CTNNA2: variants seen among roughly 807,000 people sequenced by gnomAD.
CTNNA2 encodes the protein catenin alpha-2.
A neutral mutation model predicts 101.0 loss-of-function variants in CTNNA2; 42 were observed. The observed-to-expected ratio is 0.42, with a 90% CI of 0.32 to 0.54. The LOEUF (loss-of-function observed/expected upper bound fraction) is 0.54. Among genes scored for constraint, CTNNA2 ranks in the 20% least tolerant of loss-of-function variants. The probability of loss-of-function intolerance (pLI) is 0.14; values close to 1 mark genes in which losing one functional copy is unlikely to be tolerated. For synonymous variants in CTNNA2, 450 were observed against 456.4 expected, an observed-to-expected ratio of 0.99 and a Z score of 0.18; for missense variants, 871 against 1,223.1, an observed-to-expected ratio of 0.71 and a Z score of 4.29.
At chr2:79,714,805 A>G (rs2104827328) in intron 2 of CTNNA2, among the ~76,000 whole-genome samples, 1 of 152,228 alleles carries the variant, frequency 6.6e-6, no homozygotes, top group Admixed American at 6.5e-5. Flanking sequence ...CATTAATTAC[A>G]GCTCTGTTTT....
intron 7 of CTNNA2, among the ~76,000 whole-genome samples, chr2:80,222,209 T>C (rs1708613061): frequency 6.6e-6 from 1 of 152,300 alleles, no homozygotes; most frequent in African/African-American, 2.4e-5. Context: ...CTCATCATCC[T>C]GGTCTATATT....
At chr2:79,512,092 G>A (rs142520939), upstream of CTNNA2, among the ~76,000 whole-genome samples, 414 of 152,198 alleles carry the variant, frequency 2.7e-3, 2 homozygotes, top group Non-Finnish European at 4.5e-3. Context: ...CTTTTTCACT[G>A]TTAGCACCTC....
At position 80,545,088 on chromosome 2, in the gene CTNNA2, A is replaced by T. The variant is rs749559129; in HGVS notation, c.1383+14A>T. 2 of 1,612,608 alleles carry T rather than the reference A, an allele frequency of 1.2e-6. No individual in the cohort carries two copies. Among genetic ancestry groups the T allele is most frequent in the Non-Finnish European group, 1.7e-6 (2 of 1,179,316 alleles). On this transcript the variant is annotated intron_variant, in intron 10 of 18. Coordinates refer to ENST00000402739, the MANE Select transcript of CTNNA2 (RefSeq NM_001282597.3). ...CTGTGTCCCCAGGTAAGCCTCATTC[A>T]CTTTGTTTCAAAAGCCTGTCAGTGA...
chr2:80,170,340 A>C (rs1212357752), intron 7 of CTNNA2, among the ~76,000 whole-genome samples: 1 of 152,038 alleles, frequency 6.6e-6, no homozygotes. Context: ...TTATGAGGAG[A>C]AGGCTGTTCA....
intron 6 of CTNNA2, among the ~76,000 whole-genome samples, chr2:79,907,799 G>C (rs879590613): frequency 6.6e-5 from 10 of 152,194 alleles, no homozygotes; most frequent in Admixed American, 6.5e-4. Context: ...TTGAAAAGAG[G>C]CTTTGACCAA....
At chr2:80,339,179 G>C (rs1672011144) in intron 7 of CTNNA2, among the ~76,000 whole-genome samples, 2 of 152,098 alleles carry the variant, frequency 1.3e-5, no homozygotes, top group Admixed American at 6.5e-5. Context: ...TATAACGTGT[G>C]TGTGTGTGCA....
chr2:80,456,640 C>T (rs1285988925), intron 9 of CTNNA2, among the ~76,000 whole-genome samples: 1 of 152,186 alleles, frequency 6.6e-6, no homozygotes, highest in African/African-American at 2.4e-5. Flanking sequence ...GCAAGTTAGG[C>T]CCACATTGAA....
chr2:79,266,092 C>T (rs901159539), intron 2 of CTNNA2, among the ~76,000 whole-genome samples: 2 of 152,146 alleles, frequency 1.3e-5, no homozygotes, highest in Admixed American at 6.6e-5. Flanking sequence ...CCAACTGTAC[C>T]TTCAGCAAAT....
chr2:79,282,344 T>C (rs1464399985), intron 2 of CTNNA2, among the ~76,000 whole-genome samples: 1 of 152,062 alleles, frequency 6.6e-6, no homozygotes, highest in African/African-American at 2.4e-5. Flanking sequence ...GCCATGCTGG[T>C]GCGCTGCACC....
At chr2:80,035,118 C>G in intron 7 of CTNNA2, among the ~76,000 whole-genome samples, 1 of 152,280 alleles carries the variant, frequency 6.6e-6, no homozygotes, top group Admixed American at 6.5e-5. Context: ...TGGCCCCTCC[C>G]TATGTGTTAT....
intron 3 of CTNNA2, among the ~76,000 whole-genome samples, chr2:79,835,426 A>G (rs1040214950): frequency 1.1e-4 from 17 of 152,262 alleles, no homozygotes; most frequent in African/African-American, 3.9e-4. Flanking sequence ...CTTCTTTTAG[A>G]AGTGACTACT....
intron 3 of CTNNA2, among the ~76,000 whole-genome samples, chr2:79,345,401 A>G (rs1375679651): frequency 6.6e-6 from 1 of 152,118 alleles, no homozygotes; most frequent in African/African-American, 2.4e-5. Flanking sequence ...GCTAACTTCC[A>G]TTTCATAATG....
intron 7 of CTNNA2, among the ~76,000 whole-genome samples, chr2:79,979,397 C>T (rs1186405044): frequency 6.6e-6 from 1 of 151,920 alleles, no homozygotes; most frequent in Non-Finnish European, 1.5e-5. Flanking sequence ...AAAGGAAAAC[C>T]CTGATAACAT....
At chr2:80,373,363 A>T (rs1675629684) in intron 7 of CTNNA2, among the ~76,000 whole-genome samples, 1 of 152,200 alleles carries the variant, frequency 6.6e-6, no homozygotes, top group South Asian at 2.1e-4. Flanking sequence ...GAGTACTAGG[A>T]ATAGTAAACC....
At position 80,648,015 on chromosome 2, in the gene CTNNA2, A is replaced by G. The variant is rs922528557; in HGVS notation, c.*143A>G. The G allele has an allele frequency of 1.4e-6, 1 of 725,068 alleles. No homozygotes were observed. The highest frequency in any genetic ancestry group is 1.8e-5 in the African/African-American group (1 of 55,872). 44.9% of individuals were successfully genotyped at this position (725,068 alleles called of 1,614,324 possible). On this transcript the variant is annotated 3_prime_UTR_variant, in exon 19 of 19. Transcript: ENST00000402739. ...GGAACAGTGTCTGTTTGCATGTAAG[A>G]TGAGATGAGATCAATACTACTGATC... is the stretch of plus-strand genomic sequence containing the variant.
intron 3 of CTNNA2, among the ~76,000 whole-genome samples, chr2:79,335,877 C>T (rs1196645406): frequency 6.6e-6 from 1 of 152,196 alleles, no homozygotes. Context: ...CCTGGGAAAG[C>T]TACATGGAGA....
rs1024642183 is a variant in CTNNA2, at chr2:79,674,357, A to G, written c.102+22699A>G. ...ACAGACTGTGTTACAGACCCCTGTC[A>G]TCTTCCATCTTTGCTGATTGGAGCC... On this transcript the variant is annotated intron_variant, in intron 2 of 18. Transcript: ENST00000402739. Among the ~76,000 whole-genome samples, 5 of 152,332 alleles carry G rather than the reference A, an allele frequency of 3.3e-5. No individual in the cohort carries two copies. In the East Asian group the frequency reaches 9.6e-4, roughly 29 times the overall value.
intron 7 of CTNNA2, among the ~76,000 whole-genome samples, chr2:80,353,698 G>A (rs1673522257): frequency 6.6e-6 from 1 of 152,086 alleles, no homozygotes; most frequent in Admixed American, 6.6e-5. Flanking sequence ...CAATGATTAT[G>A]CACCACTTCT....
At chr2:79,340,833 C>CAAAAAAA (rs56276462) in intron 3 of CTNNA2, among the ~76,000 whole-genome samples, 100 of 32,210 alleles carry the variant, frequency 3.1e-3, no homozygotes, top group Admixed American at 3.5e-3. Flanking sequence ...GACTCAGTCT[C>CAAAAAAA]AAAAAAAAAA....
Sources: gnomAD v4.1 joint callset for allele counts (sites outside exome capture counted in the v4.1 genomes callset) on GRCh38, gnomAD v4.1.1 for gene constraint, MANE v1.5 for transcripts, NCBI Gene and HGNC (gene_info 2026-07-23, HGNC 2026-07-21) for gene names.